NEO1: variants seen among roughly 807,000 people sequenced by gnomAD.
The protein encoded by NEO1 is neogenin 1.
A neutral mutation model predicts 159.7 loss-of-function variants in NEO1; 63 were observed. The observed-to-expected ratio is 0.39, with a 90% confidence interval of 0.32 to 0.49. The LOEUF is 0.49. Ranked by LOEUF, NEO1 falls within the 20% of genes least tolerant of loss-of-function variation. The pLI, the probability that NEO1 is intolerant of heterozygous loss-of-function variation, is 0.85. For synonymous variants in NEO1, 633 were observed against 662.0 expected (o/e 0.96, Z 0.67); for missense variants, 1,615 against 1,831.0 (o/e 0.88, Z 2.15).
At position 73,283,552 on chromosome 15, in the gene NEO1, AC is replaced by A. The variant is rs147829532; in HGVS notation, c.3410+443del. Among the ~76,000 whole-genome samples, 229 of 152,026 alleles carry A rather than the reference AC, an allele frequency of 1.5e-3. 1 individual carries two copies. The highest frequency in any genetic ancestry group is 2.5e-3 in the Non-Finnish European group (171 of 67,962). ...AGCGGGCAGTGGCAGGAAAAGAAACACCTCCTACCCTCCAGCCTCTTGCCAG... is the reference window on the plus strand; with the variant it reads ...AGCGGGCAGTGGCAGGAAAAGAAACACTCCTACCCTCCAGCCTCTTGCCAG... On this transcript the variant is annotated intron_variant, in intron 23 of 28. Transcript: ENST00000261908.
At chr15:73,211,449 G>T (rs1368559383) in intron 7 of NEO1, among the ~76,000 whole-genome samples, 1 of 151,768 alleles carries the variant, frequency 6.6e-6, no homozygotes, top group Non-Finnish European at 1.5e-5. Flanking sequence ...GGGCGTGTTG[G>T]CTCACGCCTG....
intron 1 of NEO1, among the ~76,000 whole-genome samples, chr15:73,077,710 C>T (rs149803477): frequency 6.0e-4 from 92 of 152,204 alleles, no homozygotes; most frequent in Non-Finnish European, 1.0e-3. Context: ...TGCTAGGTAA[C>T]GGGAGAAATA....
intron 1 of NEO1, among the ~76,000 whole-genome samples, chr15:73,091,947 T>C (rs2151449345): frequency 6.6e-6 from 1 of 152,156 alleles, no homozygotes; most frequent in African/African-American, 2.4e-5. Flanking sequence ...TTCTTTCATG[T>C]GACAGTTGCA....
intron 12 of NEO1, among the ~76,000 whole-genome samples, chr15:73,254,317 A>G (rs1158123372): frequency 6.6e-6 from 1 of 152,094 alleles, no homozygotes; most frequent in African/African-American, 2.4e-5. Context: ...TGCACTGGAC[A>G]CGGGAAAGAA....
At chr15:73,148,644 A>G (rs1402830659) in intron 5 of NEO1, among the ~76,000 whole-genome samples, 1 of 152,200 alleles carries the variant, frequency 6.6e-6, no homozygotes, top group East Asian at 1.9e-4. Context: ...AGCATTTTAT[A>G]TCAGAGCAGC....
At chr15:73,166,870 A>G (rs1367312974) in intron 5 of NEO1, among the ~76,000 whole-genome samples, 1 of 152,126 alleles carries the variant, frequency 6.6e-6, no homozygotes, top group African/African-American at 2.4e-5. Context: ...AAAACAACCC[A>G]GGGACATGTG....
chr15:73,278,238 C>A (rs753211740), intron 22 of NEO1, 39 bp downstream of exon 22: 1 of 1,575,802 alleles, frequency 6.3e-7, no homozygotes, highest in East Asian at 2.3e-5. Flanking sequence ...TTACTATGGA[C>A]ATGAAGCACT....
intron 7 of NEO1, among the ~76,000 whole-genome samples, chr15:73,182,441 G>A (rs2619257): frequency 0.85 from 128,956 of 152,162 alleles, 56,075 homozygotes; most frequent in Non-Finnish European, 0.94. Flanking sequence ...CAACGTCACA[G>A]GTTCTCTTGA....
At chr15:73,261,089 A>G (rs533362434) in intron 15 of NEO1, among the ~76,000 whole-genome samples, 1 of 152,228 alleles carries the variant, frequency 6.6e-6, no homozygotes, top group South Asian at 2.1e-4. Flanking sequence ...ATCTCTTTAT[A>G]ACTGGTTCCT....
intron 5 of NEO1, among the ~76,000 whole-genome samples, chr15:73,156,454 A>T (rs1350045234): frequency 6.6e-6 from 1 of 152,106 alleles, no homozygotes; most frequent in African/African-American, 2.4e-5. Flanking sequence ...GCTCTCTCAA[A>T]TGCCTGTTGT....
intron 13 of NEO1, chr15:73,256,258 G>A (rs1380651121): frequency 2.6e-5 from 4 of 152,180 alleles, no homozygotes; most frequent in African/African-American, 9.7e-5. Context: ...CCAGCACTTT[G>A]GGAGGCTGAG....
chr15:73,280,439 G>A lies in NEO1; in HGVS notation c.3262+2240G>A, dbSNP rs570424584. Among the ~76,000 whole-genome samples, 10 of 152,244 alleles carry A rather than the reference G, an allele frequency of 6.6e-5. No individual in the cohort carries two copies. The East Asian group carries it at 7.7e-4, about 12-fold the overall frequency. On this transcript the variant is annotated intron_variant, in intron 22 of 28. Coordinates refer to ENST00000261908, the MANE Select transcript of NEO1 (RefSeq NM_002499.4). ...AGCTCATTCGCAAGAGGTCAGATGC[G>A]AGTAAATGAGAATTTGTCAGTGAAA...
chr15:73,161,526 A>G (rs1412276439), intron 5 of NEO1, among the ~76,000 whole-genome samples: 1 of 152,182 alleles, frequency 6.6e-6, no homozygotes. Context: ...ATGTCTGACC[A>G]CTGCTACTAC....
intron 1 of NEO1, among the ~76,000 whole-genome samples, chr15:73,064,506 C>T (rs1399660765): frequency 6.6e-6 from 1 of 152,142 alleles, no homozygotes. Flanking sequence ...ACTCTGTTGC[C>T]TAGGCTGGAG....
At chr15:73,096,852 G>A (rs2070070896) in intron 1 of NEO1, among the ~76,000 whole-genome samples, 1 of 152,138 alleles carries the variant, frequency 6.6e-6, no homozygotes, top group Non-Finnish European at 1.5e-5. Context: ...AAGGCTGGGT[G>A]CAGTGGTTAC....
chr15:73,188,853 G>T (rs1369714328), intron 7 of NEO1, among the ~76,000 whole-genome samples: 1 of 152,164 alleles, frequency 6.6e-6, no homozygotes, highest in Non-Finnish European at 1.5e-5. Flanking sequence ...ATCCCAGCTG[G>T]GAGCTGAGGC....
chr15:73,080,515 A>AT (rs1177690716), intron 1 of NEO1, among the ~76,000 whole-genome samples: 2 of 134,638 alleles, frequency 1.5e-5, no homozygotes, highest in South Asian at 2.4e-4. Context: ...AAATTGAAAA[A>AT]TTTTTTTCCA....
At chr15:73,235,725 A>T (rs907591668) in intron 7 of NEO1, among the ~76,000 whole-genome samples, 1 of 152,216 alleles carries the variant, frequency 6.6e-6, no homozygotes, top group Non-Finnish European at 1.5e-5. Flanking sequence ...CCCCCGCAGG[A>T]TTACCAAATA....
chr15:73,301,603 A>G (rs541538189), intron 28 of NEO1, 146 bp downstream of exon 28: 21 of 1,058,442 alleles, frequency 2.0e-5, no homozygotes, highest in Non-Finnish European at 2.7e-5. Flanking sequence ...CAGTAGATAC[A>G]GTGTTGAGCA....
Sources: allele counts gnomAD v4.1 joint callset (sites outside exome capture counted in the v4.1 genomes callset), GRCh38; gene constraint gnomAD v4.1.1; transcripts MANE v1.5; gene names NCBI Gene and HGNC (gene_info 2026-07-23, HGNC 2026-07-21).